CSMD3: variants seen among roughly 807,000 people sequenced by gnomAD.
CSMD3 encodes CUB and sushi domain-containing protein 3.
A neutral mutation model predicts 435.2 loss-of-function variants in CSMD3; 177 were observed. The observed-to-expected ratio is 0.41, with a 90% confidence interval of 0.36 to 0.46. The LOEUF is 0.46. Among genes scored for constraint, CSMD3 ranks in the 20% least tolerant of loss-of-function variants. The pLI, the probability that CSMD3 is intolerant of heterozygous loss-of-function variation, is 0.34. For missense variants in CSMD3, 4,265 were observed against 4,504.6 expected (o/e 0.95, Z 1.52); for synonymous variants, 1,656 against 1,520.5 (o/e 1.09, Z -2.07).
chr8:113,035,457 G>A (rs374199983), intron 5 of CSMD3, among the ~76,000 whole-genome samples: 25 of 151,880 alleles, frequency 1.6e-4, no homozygotes, highest in African/African-American at 5.8e-4. Flanking sequence ...CTATACAAAT[G>A]GAAATCAGAA....
chr8:112,550,859 G>T lies in CSMD3; in HGVS notation c.4376C>A (p.Ala1459Asp). The T allele has an allele frequency of 1.2e-6, 2 of 1,608,364 alleles. No individual in the cohort carries two copies. Among genetic ancestry groups the T allele is most frequent in the Non-Finnish European group, 1.7e-6 (2 of 1,175,180 alleles). The change falls in exon 27 of 71, where the codon GCT becomes GAT. Residue 1459 changes from alanine to aspartate, a missense_variant. Physicochemically the swap from Ala to Asp is moderately radical, Grantham distance 126. Transcript: ENST00000297405. ...ATCATGTGATGCTTCCGTATCAAAA[G>T]CAAGAAACTGCAAGCTGTGGGAGAA... ...PGNIVSLQFLAFDTEASHDIL... is the reference protein window; with the variant it reads ...PGNIVSLQFLDFDTEASHDIL...
chr8:113,013,390 T>G (rs916206818), intron 6 of CSMD3, among the ~76,000 whole-genome samples: 5 of 152,088 alleles, frequency 3.3e-5, no homozygotes, highest in African/African-American at 9.7e-5. Flanking sequence ...CTGTTCCATA[T>G]GTTATTATCT....
chr8:112,751,805 C>A (rs899107681), intron 13 of CSMD3, among the ~76,000 whole-genome samples: 45 of 151,766 alleles, frequency 3.0e-4, no homozygotes, highest in South Asian at 1.7e-3. Flanking sequence ...GCCATTATTT[C>A]TTTTTATTAT....
At chr8:113,381,490 G>C (rs957026498) in intron 1 of CSMD3, among the ~76,000 whole-genome samples, 1 of 152,034 alleles carries the variant, frequency 6.6e-6, no homozygotes, top group Non-Finnish European at 1.5e-5. Flanking sequence ...CAAATGCAAG[G>C]CTCCAAAGCT....
At chr8:112,432,023 T>C (rs766387509) in intron 32 of CSMD3, among the ~76,000 whole-genome samples, 6 of 152,018 alleles carry the variant, frequency 3.9e-5, no homozygotes, top group Non-Finnish European at 7.4e-5. Context: ...TCTAGTTTTG[T>C]CTCCCATTCT....
intron 27 of CSMD3, among the ~76,000 whole-genome samples, chr8:112,519,123 G>T (rs973909025): frequency 6.6e-6 from 1 of 152,064 alleles, no homozygotes; most frequent in Non-Finnish European, 1.5e-5. Flanking sequence ...GATTTGGGTG[G>T]TGACACAGAG....
At chr8:112,788,633 C>A (rs1227126950) in intron 13 of CSMD3, among the ~76,000 whole-genome samples, 4 of 152,058 alleles carry the variant, frequency 2.6e-5, no homozygotes, top group Non-Finnish European at 5.9e-5. Flanking sequence ...ATGACTAAGT[C>A]TTTTATATTT....
chr8:113,078,384 T>C (rs903889829), intron 5 of CSMD3, among the ~76,000 whole-genome samples: 1 of 152,202 alleles, frequency 6.6e-6, no homozygotes, highest in African/African-American at 2.4e-5. Context: ...GAACACCCAA[T>C]GTCATGTATG....
intron 4 of CSMD3, among the ~76,000 whole-genome samples, chr8:113,168,573 C>A (rs1588193488): frequency 9.3e-6 from 1 of 107,782 alleles, no homozygotes; most frequent in Admixed American, 9.4e-5. Flanking sequence ...ACAAAAAATG[C>A]TAAAAAATAA....
intron 28 of CSMD3, among the ~76,000 whole-genome samples, chr8:112,515,932 AC>A (rs1823627372): frequency 6.6e-6 from 1 of 151,912 alleles, no homozygotes; most frequent in African/African-American, 2.4e-5. Context: ...CTAATTTCCC[AC>A]TGTTTAGAAC....
At chr8:113,378,412 G>A (rs1049784648) in intron 1 of CSMD3, among the ~76,000 whole-genome samples, 3 of 152,092 alleles carry the variant, frequency 2.0e-5, no homozygotes, top group African/African-American at 7.2e-5. Context: ...AGTTGAGGAG[G>A]TAAATATTAT....
At chr8:112,797,110 A>C (rs1046678384) in intron 13 of CSMD3, among the ~76,000 whole-genome samples, 3 of 151,996 alleles carry the variant, frequency 2.0e-5, no homozygotes, top group Non-Finnish European at 2.9e-5. Context: ...TTTAAAGCAG[A>C]AGTTCTAAAG....
At chr8:112,513,422 CAGTT>C (rs757693063) in intron 28 of CSMD3, among the ~76,000 whole-genome samples, 2 of 152,158 alleles carry the variant, frequency 1.3e-5, no homozygotes, top group Non-Finnish European at 2.9e-5. Flanking sequence ...GAGGAACAGT[CAGTT>C]AGGGGAGCAC....
At chr8:112,231,722 G>T (rs1813104323) in intron 68 of CSMD3, 90 bp from the exon 69 acceptor site, 1 of 852,880 alleles carries the variant, frequency 1.2e-6, no homozygotes, top group Middle Eastern at 2.3e-4. Context: ...TATTCTGAAA[G>T]AAATATTATC....
chr8:112,696,234 C>A (rs1053492711), intron 13 of CSMD3, among the ~76,000 whole-genome samples: 6 of 152,088 alleles, frequency 3.9e-5, no homozygotes, highest in Non-Finnish European at 8.8e-5. Context: ...CTTTAAAGTT[C>A]ATATGGAACC....
intron 1 of CSMD3, among the ~76,000 whole-genome samples, chr8:113,340,258 T>C (rs948619635): frequency 6.6e-6 from 1 of 152,108 alleles, no homozygotes; most frequent in African/African-American, 2.4e-5. Context: ...AAATTAGTAC[T>C]CTTATCACCT....
intron 38 of CSMD3, among the ~76,000 whole-genome samples, chr8:112,358,975 A>G (rs1322530093): frequency 6.6e-6 from 1 of 152,212 alleles, no homozygotes; most frequent in Non-Finnish European, 1.5e-5. Flanking sequence ...AACATAGTAA[A>G]AGTAAATGGT....
At chr8:113,145,664 GAATA>G (rs1047883582) in intron 4 of CSMD3, among the ~76,000 whole-genome samples, 17 of 151,486 alleles carry the variant, frequency 1.1e-4, no homozygotes, top group Admixed American at 6.0e-4. Flanking sequence ...TGAAATGAAT[GAATA>G]AAGTCCAAAA....
At chr8:113,425,162 A>T (rs1297378441) in intron 1 of CSMD3, among the ~76,000 whole-genome samples, 1 of 151,548 alleles carries the variant, frequency 6.6e-6, no homozygotes, top group Admixed American at 6.6e-5. Context: ...TTTTGCAGAA[A>T]TAAAACTTAC....
Sources: allele counts gnomAD v4.1 joint callset (sites outside exome capture counted in the v4.1 genomes callset), GRCh38; gene constraint gnomAD v4.1.1; transcripts MANE v1.5; gene names NCBI Gene and HGNC (gene_info 2026-07-23, HGNC 2026-07-21).